Variants in ZBTB37 observed in about 807,000 individuals in gnomAD.
ZBTB37 encodes the protein zinc finger and BTB domain-containing protein 37.
A neutral mutation model predicts 37.7 loss-of-function variants in ZBTB37; 15 were observed. The observed-to-expected ratio is 0.40, with a 90% CI of 0.27 to 0.61. The LOEUF is 0.61. Ranked by LOEUF, ZBTB37 falls within the 20% of genes least tolerant of loss-of-function variation. The pLI, the probability that ZBTB37 is intolerant of heterozygous loss-of-function variation, is 0.44. For missense variants in ZBTB37, 514 were observed against 641.9 expected, an observed-to-expected ratio of 0.80 and a Z score of 2.15; for synonymous variants, 231 against 220.6, an observed-to-expected ratio of 1.05 and a Z score of -0.42.
rs566476237 is a variant in ZBTB37 at position 173,869,465 on chromosome 1, T to C, written c.-30+345T>C. The stretch of plus-strand genomic sequence containing the variant: ...TATTTTTTCATCGGATCTGGAGAAC[T>C]AAGTTTCAGGATGGAAGTATTCATC... On this transcript the variant is annotated intron_variant, in intron 2 of 4. Coordinates refer to ENST00000427304, the Ensembl canonical transcript of ZBTB37. 3.3e-5 allele frequency among the ~76,000 whole-genome samples: 5 copies of C among 152,364 alleles called. No individual in the cohort carries two copies. In the South Asian group the frequency reaches 1.0e-3, roughly 32 times the overall value.
At chr1:173,890,458 T>C (rs747042553), downstream of ZBTB37, 1 of 152,204 alleles carries the variant, frequency 6.6e-6, no homozygotes, top group Admixed American at 6.5e-5. Context: ...TAAAATGTCC[T>C]TCCCCTTATC....
intron 4 of ZBTB37, among the ~76,000 whole-genome samples, chr1:173,880,495 T>C (rs566470512): frequency 1.3e-5 from 2 of 152,322 alleles, no homozygotes; most frequent in South Asian, 4.1e-4. Flanking sequence ...ATATGGAGTT[T>C]TCATATAAAT....
At chr1:173,879,487 A>G (rs1479549320) in intron 4 of ZBTB37, among the ~76,000 whole-genome samples, 1 of 152,160 alleles carries the variant, frequency 6.6e-6, no homozygotes, top group Non-Finnish European at 1.5e-5. Flanking sequence ...TAGGGAAAGG[A>G]GAAAACTAAA....
At chr1:173,883,495 A>G (rs903839686) in intron 4 of ZBTB37, among the ~76,000 whole-genome samples, 2 of 152,176 alleles carry the variant, frequency 1.3e-5, no homozygotes, top group Admixed American at 1.3e-4. Context: ...GTGTACTGTT[A>G]TCATGTTCAA....
chr1:173,880,149 TTCTTA>T (rs1656218366), intron 4 of ZBTB37, among the ~76,000 whole-genome samples: 1 of 152,344 alleles, frequency 6.6e-6, no homozygotes, highest in Middle Eastern at 3.4e-3. Flanking sequence ...AGACCACGTT[TTCTTA>T]TCTTCTTTGT....
At chr1:173,890,928 AAG>A (rs779198583), downstream of ZBTB37, 10 of 152,200 alleles carry the variant, frequency 6.6e-5, no homozygotes, top group Non-Finnish European at 1.0e-4. Flanking sequence ...TTACCTCCTA[AAG>A]TTGTTACTCA....
intron 4 of ZBTB37, among the ~76,000 whole-genome samples, chr1:173,881,103 C>G (rs1018295267): frequency 2.6e-4 from 39 of 152,096 alleles, no homozygotes; most frequent in Non-Finnish European, 4.3e-4. Flanking sequence ...ATCCCTCCCC[C>G]CTCCTCCCAC....
At chr1:173,891,253 G>T (rs753439180), downstream of ZBTB37, 11 of 152,146 alleles carry the variant, frequency 7.2e-5, no homozygotes, top group Non-Finnish European at 1.3e-4. Context: ...TTCCCAAGTG[G>T]ATTAAAAACT....
intron 4 of ZBTB37, among the ~76,000 whole-genome samples, chr1:173,881,171 T>C (rs556991128): frequency 3.1e-3 from 476 of 152,188 alleles, no homozygotes; most frequent in African/African-American, 0.011. Flanking sequence ...GTTCTCATTG[T>C]TCAATTCCCA....
chr1:173,881,839 G>C (rs975072832), intron 4 of ZBTB37, among the ~76,000 whole-genome samples: 1 of 152,108 alleles, frequency 6.6e-6, no homozygotes, highest in African/African-American at 2.4e-5. Context: ...CGGATCACAA[G>C]GTCAGGAGAT....
intron 4 of ZBTB37, among the ~76,000 whole-genome samples, chr1:173,883,858 C>T (rs1656470365): frequency 6.7e-6 from 1 of 149,326 alleles, no homozygotes. Context: ...TAAAAGGGCA[C>T]AAGATCTTCT....
At chr1:173,889,954 T>C (rs138080694), downstream of ZBTB37, 3 of 152,180 alleles carry the variant, frequency 2.0e-5, no homozygotes, top group Non-Finnish European at 4.4e-5. Flanking sequence ...AAAAACTTTT[T>C]CCCCCCGACT....
exon 4 of ZBTB37, chr1:173,895,842 C>T (rs1048747981): frequency 1.3e-5 from 2 of 152,098 alleles, no homozygotes; most frequent in African/African-American, 2.4e-5. Flanking sequence ...CTAGACTGTT[C>T]CTGCTCTGAG....
intron 3 of ZBTB37, 55 bp downstream of exon 3, chr1:173,871,203 T>A: frequency 6.8e-7 from 1 of 1,466,914 alleles, no homozygotes; most frequent in Non-Finnish European, 9.1e-7. Flanking sequence ...TAGACATCAC[T>A]AAAGTGTCCT....
At chr1:173,876,577 C>T (rs916034344) in intron 4 of ZBTB37, among the ~76,000 whole-genome samples, 6 of 152,106 alleles carry the variant, frequency 3.9e-5, no homozygotes, top group African/African-American at 1.4e-4. Context: ...CTCAGCCTCC[C>T]GAAGTGCTGG....
At chr1:173,868,570 C>T (rs9726181) in intron 1 of ZBTB37, among the ~76,000 whole-genome samples, 165 bp downstream of exon 1, 2,384 of 152,300 alleles carry the variant, frequency 0.016, 65 homozygotes, top group African/African-American at 0.055. Flanking sequence ...CCTTGGCCCC[C>T]GGCCGGGCTG....
chr1:173,870,990 G>T, exon 3 of ZBTB37: 1 of 1,614,204 alleles, frequency 6.2e-7, no homozygotes, highest in South Asian at 1.1e-5. Flanking sequence ...AGTGGCTTGG[G>T]CCTGAGAATC....
chr1:173,900,707 CTG>C (rs1388973714), exon 4 of ZBTB37: 1 of 152,182 alleles, frequency 6.6e-6, no homozygotes, highest in Non-Finnish European at 1.5e-5. Flanking sequence ...TAGCATCAGT[CTG>C]TGAAATTTCA....
At chr1:173,878,408 A>G (rs902083433) in intron 4 of ZBTB37, among the ~76,000 whole-genome samples, 16 of 152,034 alleles carry the variant, frequency 1.1e-4, no homozygotes, top group African/African-American at 2.9e-4. Context: ...TATGCATTCT[A>G]TTTTCCCAGG....
Sources: allele counts gnomAD v4.1 joint callset (sites outside exome capture counted in the v4.1 genomes callset), GRCh38; gene constraint gnomAD v4.1.1; transcripts MANE v1.5; gene names NCBI Gene and HGNC (gene_info 2026-07-23, HGNC 2026-07-21).